KSR1: variants seen among roughly 807,000 people sequenced by gnomAD.
KSR1 encodes the protein kinase suppressor of ras.
In KSR1, 35 loss-of-function variants were observed where a neutral mutation model predicts 92.9. That is an observed-to-expected ratio of 0.38 (90% CI 0.29 to 0.50). The LOEUF (loss-of-function observed/expected upper bound fraction) is 0.50, where lower values mean the gene tolerates loss of function less well. Among genes scored for constraint, KSR1 ranks in the 20% least tolerant of loss-of-function variants. The pLI is 0.94. For missense variants in KSR1, 972 were observed against 1,158.5 expected, an observed-to-expected ratio of 0.84 and a Z score of 2.34; for synonymous variants, 467 against 472.6, an observed-to-expected ratio of 0.99 and a Z score of 0.15.
intron 9 of KSR1, among the ~76,000 whole-genome samples, chr17:27,593,353 G>T (rs1454098117): frequency 6.6e-6 from 1 of 152,252 alleles, no homozygotes; most frequent in African/African-American, 2.4e-5. Flanking sequence ...GCTGGCTGCT[G>T]GGTGCAGGCT....
In KSR1 at chr17:27,500,831, C is replaced by T. The variant is rs977675112; in HGVS notation, c.231+43957C>T. Among the ~76,000 whole-genome samples, 116 of 152,114 alleles carry T rather than the reference C, an allele frequency of 7.6e-4. 1 individual carries two copies. Among genetic ancestry groups the T allele is most frequent in the Non-Finnish European group, 2.1e-4 (14 of 68,016 alleles). ...CGGGGGCAAAGGGTGCTGCTGGGTC[C>T]GGACCCTGACTCTGCCAGGCCTTGC... On this transcript the variant is annotated intron_variant, in intron 1 of 20. Transcript: ENST00000644974.
At chr17:27,518,626 A>T (rs59067009) in intron 1 of KSR1, among the ~76,000 whole-genome samples, 34,391 of 151,998 alleles carry the variant, frequency 0.23, 4,113 homozygotes, top group Non-Finnish European at 0.26. Context: ...GTGGACATCT[A>T]TGTTGATAAT....
intron 1 of KSR1, among the ~76,000 whole-genome samples, chr17:27,491,362 G>A (rs2068825590): frequency 1.3e-5 from 2 of 150,032 alleles, no homozygotes; most frequent in South Asian, 2.1e-4. Context: ...TTGGGGGTGG[G>A]GTAGGGGCGG....
At chr17:27,516,414 A>G (rs1472655506) in intron 1 of KSR1, among the ~76,000 whole-genome samples, 1 of 152,194 alleles carries the variant, frequency 6.6e-6, no homozygotes, top group Non-Finnish European at 1.5e-5. Flanking sequence ...AATGTGAGCC[A>G]TATTTACCTG....
At chr17:27,485,713 A>G (rs575584523) in intron 1 of KSR1, among the ~76,000 whole-genome samples, 31 of 152,160 alleles carry the variant, frequency 2.0e-4, no homozygotes, top group African/African-American at 6.7e-4. Context: ...CGTGTCATCA[A>G]TAGGGCTTGT....
intron 1 of KSR1, among the ~76,000 whole-genome samples, chr17:27,535,642 C>T (rs1425358725): frequency 6.6e-6 from 1 of 151,990 alleles, no homozygotes; most frequent in Non-Finnish European, 1.5e-5. Flanking sequence ...GTCACCCGTC[C>T]TGGTTTTCCT....
chr17:27,551,306 A>C (rs775051773), intron 2 of KSR1, among the ~76,000 whole-genome samples: 7 of 152,266 alleles, frequency 4.6e-5, no homozygotes, highest in Non-Finnish European at 1.0e-4. Flanking sequence ...GCATACTCGG[A>C]GTGTGTACTG....
chr17:27,577,762 GC>G lies in KSR1; in HGVS notation c.520+125del. Reference sequence around the variant, plus strand: ...AGGGTTTCTGGGGCAGCCTGGAAAGGCCAGGGTTGGATGTTCACAGCCTCCT... The same window carrying G: ...AGGGTTTCTGGGGCAGCCTGGAAAGGCAGGGTTGGATGTTCACAGCCTCCT... On this transcript the variant is annotated intron_variant, in intron 3 of 20. Transcript: ENST00000644974. This position sits in a 1 kb window ranked among gnomAD's most constrained non-coding sequence, Gnocchi z 4.5. The G allele has an allele frequency of 1.2e-6, 1 of 829,136 alleles. No individual in the cohort carries two copies. The highest frequency in any genetic ancestry group is 2.0e-6 in the Non-Finnish European group (1 of 501,434). 51.4% of individuals were successfully genotyped at this position (829,136 alleles called of 1,614,324 possible).
intron 1 of KSR1, among the ~76,000 whole-genome samples, chr17:27,477,035 G>A (rs2068367975): frequency 6.6e-6 from 1 of 152,202 alleles, no homozygotes; most frequent in Non-Finnish European, 1.5e-5. Context: ...ATAAAGGGTA[G>A]ATTATTCATG....
At chr17:27,519,819 A>C (rs979905296) in intron 1 of KSR1, among the ~76,000 whole-genome samples, 2 of 152,214 alleles carry the variant, frequency 1.3e-5, no homozygotes, top group Non-Finnish European at 2.9e-5. Context: ...GGTCCATGGC[A>C]CAGGCTTTGA....
intron 1 of KSR1, among the ~76,000 whole-genome samples, chr17:27,491,420 C>T (rs970584903): frequency 1.3e-5 from 2 of 151,540 alleles, no homozygotes; most frequent in Non-Finnish European, 2.9e-5. Flanking sequence ...GAACTCCTGA[C>T]CTCAAGTGAT....
In KSR1 at chr17:27,623,820, G is replaced by A. The variant is rs2151279583; in HGVS notation, c.*428G>A. The A allele has an allele frequency of 1.9e-6, 1 of 530,922 alleles. No individual in the cohort carries two copies. The highest frequency in any genetic ancestry group is 3.8e-5 in the Admixed American group (1 of 26,422). The allele number at this position is 530,922 out of a possible 1,614,324, so 32.9% of individuals were successfully genotyped here. A position where few individuals can be genotyped will look rare whatever the true frequency, so the allele number is the denominator to read the frequency against. ...GGTAATTGCAGCTGTTCTTGGGGTA[G>A]GGCGGGGAGCCCAGAAGGTCTGATC... On this transcript the variant is annotated 3_prime_UTR_variant, in exon 21 of 21. Transcript: ENST00000644974.
At chr17:27,520,382 T>A (rs1437460584) in intron 1 of KSR1, among the ~76,000 whole-genome samples, 3 of 152,226 alleles carry the variant, frequency 2.0e-5, no homozygotes, top group Non-Finnish European at 2.9e-5. Context: ...GGTAAATTTA[T>A]GTGCCTGTGG....
intron 11 of KSR1, among the ~76,000 whole-genome samples, chr17:27,601,671 A>C (rs1483506546): frequency 1.3e-5 from 2 of 152,200 alleles, no homozygotes; most frequent in Admixed American, 6.5e-5. Context: ...CAACCTTTTC[A>C]AGGTCACACT....
chr17:27,544,704 C>T (rs968830401), intron 1 of KSR1, among the ~76,000 whole-genome samples: 1 of 152,230 alleles, frequency 6.6e-6, no homozygotes, highest in East Asian at 1.9e-4. Flanking sequence ...CCTGAAACCC[C>T]AGGTGCTTGT....
chr17:27,505,140 G>A (rs1051256565), intron 1 of KSR1, among the ~76,000 whole-genome samples: 1 of 152,208 alleles, frequency 6.6e-6, no homozygotes, highest in African/African-American at 2.4e-5. Flanking sequence ...AGTACCTGCT[G>A]ACTATGGCCA....
In KSR1 at chr17:27,603,878, G is replaced by A. The variant is rs766689675; in HGVS notation, c.1555G>A (p.Asp519Asn). 2.0e-5 allele frequency: 33 copies of A among 1,613,776 alleles called. No homozygotes were observed. Among genetic ancestry groups the A allele is most frequent in the East Asian group, 2.2e-5 (1 of 44,896 alleles). The change falls in exon 12 of 21, where the codon GAC (aspartate) becomes AAC (asparagine). Residue 519 changes from aspartate to asparagine, a missense_variant. Asp to Asn is a conservative substitution (Grantham distance 23). Around this residue, in one of 5 missense-constraint regions of KSR1, gnomAD observed 611 missense variants for 668.0 expected, o/e 0.91. Transcript: ENST00000644974. ...CGCAGCCCCGCTCCCTGAAGCTGCC[G>A]ACGGTACCCGGTAGGCATCCCTAGG... The part of the protein sequence containing the change: ...AHAAPLPEAA[D>N]GTRLDDQPKA...
intron 6 of KSR1, among the ~76,000 whole-genome samples, chr17:27,590,055 G>A (rs2073109874): frequency 1.3e-5 from 2 of 152,150 alleles, no homozygotes; most frequent in South Asian, 2.1e-4. Context: ...GTGTGTGTGT[G>A]TATGTGAATT....
chr17:27,623,035 A>G (rs749486285), intron 20 of KSR1: 7 of 494,058 alleles, frequency 1.4e-5, no homozygotes, highest in South Asian at 2.4e-5. Context: ...TGAGAAAACA[A>G]TTCCTAGGAA....
Sources: gnomAD v4.1 joint callset for allele counts (sites outside exome capture counted in the v4.1 genomes callset) on GRCh38, gnomAD v4.1.1 for gene constraint, gnomAD v4.1.1 regional missense constraint, Gnocchi (gnomAD v3.1) non-coding constraint, MANE v1.5 for transcripts, NCBI Gene and HGNC (gene_info 2026-07-23, HGNC 2026-07-21) for gene names.